Variants in SCN8A observed in about 807,000 individuals in gnomAD.
The protein encoded by SCN8A is sodium voltage-gated channel alpha subunit 8, also known as sodium channel protein type 8 subunit alpha.
SCN8A carries 30 observed loss-of-function variants against 184.1 expected under a neutral mutation model. The observed-to-expected ratio is 0.16, with a 90% CI of 0.12 to 0.22. SCN8A has a LOEUF of 0.22. SCN8A is among the 10% of genes least tolerant of loss of function. The probability of loss-of-function intolerance (pLI) is 1.00; values close to 1 mark genes in which losing one functional copy is unlikely to be tolerated. For synonymous variants in SCN8A, 852 were observed against 907.0 expected, an observed-to-expected ratio of 0.94 and a Z score of 1.09; for missense variants, 1,057 against 2,498.9, an observed-to-expected ratio of 0.42 and a Z score of 12.30.
At chr12:51,656,177 A>G (rs1227271701) in intron 1 of SCN8A, among the ~76,000 whole-genome samples, 1 of 152,192 alleles carries the variant, frequency 6.6e-6, no homozygotes, top group Non-Finnish European at 1.5e-5. Flanking sequence ...AAATAAGGAA[A>G]TGAAAATATT....
At chr12:51,738,777 T>C (rs1942368879) in intron 12 of SCN8A, among the ~76,000 whole-genome samples, 1 of 152,210 alleles carries the variant, frequency 6.6e-6, no homozygotes, top group Non-Finnish European at 1.5e-5. Context: ...TAGGCCTTCC[T>C]AGAAGTAATC....
chr12:51,637,709 C>T (rs534632855), intron 1 of SCN8A, among the ~76,000 whole-genome samples: 1 of 152,232 alleles, frequency 6.6e-6, no homozygotes, highest in Admixed American at 6.5e-5. Context: ...GAAGTCATCT[C>T]CAGAACATGA....
intron 2 of SCN8A, among the ~76,000 whole-genome samples, chr12:51,677,172 C>A (rs893017557): frequency 1.3e-5 from 2 of 151,772 alleles, no homozygotes; most frequent in Non-Finnish European, 2.9e-5. Flanking sequence ...CAGTTTCAAC[C>A]TCCTAGGCTC....
intron 1 of SCN8A, among the ~76,000 whole-genome samples, chr12:51,614,561 T>C (rs1939791262): frequency 6.6e-6 from 1 of 152,136 alleles, no homozygotes; most frequent in South Asian, 2.1e-4. Context: ...GTTAGCATCT[T>C]ATATAACAGT....
At chr12:51,694,015 C>T (rs953357307) in intron 6 of SCN8A, among the ~76,000 whole-genome samples, 5 of 152,176 alleles carry the variant, frequency 3.3e-5, no homozygotes, top group South Asian at 2.1e-4. Context: ...TCACTGCAAC[C>T]GCCACCTCCT....
chr12:51,709,102 C>T (rs899312724), intron 11 of SCN8A, among the ~76,000 whole-genome samples: 3 of 152,032 alleles, frequency 2.0e-5, no homozygotes, highest in African/African-American at 7.3e-5. Flanking sequence ...AAAGGATAGA[C>T]AGGAATTAGG....
At position 51,810,059 on chromosome 12, in the gene SCN8A, C is replaced by T. The variant is rs1208606631; in HGVS notation, c.*2630C>T. The T allele has an allele frequency of 6.3e-6, 1 of 158,014 alleles. No individual in the cohort carries two copies. Among genetic ancestry groups the T allele is most frequent in the Admixed American group, 6.5e-5 (1 of 15,372 alleles). The allele number at this position is 158,014 out of a possible 1,614,324, so 9.8% of individuals were successfully genotyped here. On this transcript the variant is annotated 3_prime_UTR_variant, in exon 27 of 27. Transcript: ENST00000627620. Reference sequence around the variant, plus strand: ...GATCCCGCCAAGTACACCATGTGCTCATGCTAGTGATGTCATTAAGCTACT... The same window carrying T: ...GATCCCGCCAAGTACACCATGTGCTTATGCTAGTGATGTCATTAAGCTACT...
At chr12:51,667,560 G>T (rs1941056324) in intron 2 of SCN8A, among the ~76,000 whole-genome samples, 1 of 151,820 alleles carries the variant, frequency 6.6e-6, no homozygotes, top group Admixed American at 6.6e-5. Context: ...TTCTTGTTTA[G>T]TGAAAAATTA....
chr12:51,729,193 A>G (rs1465838011), intron 12 of SCN8A, among the ~76,000 whole-genome samples: 2 of 152,214 alleles, frequency 1.3e-5, no homozygotes, highest in Non-Finnish European at 2.9e-5. Flanking sequence ...CTGGTAGGAC[A>G]TTGGGTAAGC....
At chr12:51,639,352 C>T (rs905330589) in intron 1 of SCN8A, among the ~76,000 whole-genome samples, 6 of 152,150 alleles carry the variant, frequency 3.9e-5, no homozygotes, top group Admixed American at 3.9e-4. Flanking sequence ...TTAGAATATT[C>T]CCTAAACTTA....
intron 1 of SCN8A, among the ~76,000 whole-genome samples, chr12:51,618,017 CTTG>C (rs1306051112): frequency 6.6e-6 from 1 of 152,122 alleles, no homozygotes; most frequent in Non-Finnish European, 1.5e-5. Flanking sequence ...GCTCCTTTCT[CTTG>C]TTGTTTCCCA....
rs571819139 is a variant in SCN8A at position 51,721,122 on chromosome 12, T to TTATATATATATAATATTTATTTATTGTTA, written c.1636-414_1636-413insTAATATTTATTTATTGTTATATATATATA. Among the ~76,000 whole-genome samples, 170 of 106,094 alleles carry TTATATATATATAATATTTATTTATTGTTA rather than the reference T, an allele frequency of 1.6e-3. 4 individuals carry two copies. The highest frequency in any genetic ancestry group is 6.5e-3 in the African/African-American group (159 of 24,452). The allele number at this position is 106,094 out of a possible 152,430, so 69.6% of individuals were successfully genotyped here. A position where few individuals can be genotyped will look rare whatever the true frequency, so the allele number is the denominator to read the frequency against. On this transcript the variant is annotated intron_variant, in intron 11 of 26. Coordinates refer to ENST00000627620, the MANE Select transcript of SCN8A (RefSeq NM_001330260.2). Reference sequence around the variant, plus strand: ...ATATATATATAATATTTATTTATTGTTATATATATAATATTTATTTATTGT... The same window carrying TTATATATATATAATATTTATTTATTGTTA: ...ATATATATATAATATTTATTTATTGTTATATATATATAATATTTATTTATTGTTATATATATATAATATTTATTTATTGT...
intron 20 of SCN8A, among the ~76,000 whole-genome samples, chr12:51,776,799 C>G (rs947532429): frequency 3.3e-5 from 5 of 152,332 alleles, no homozygotes; most frequent in Middle Eastern, 3.4e-3. Context: ...TAGCACCATC[C>G]ACTGGTGACT....
intron 10 of SCN8A, 36 bp downstream of exon 10, chr12:51,705,659 C>G: frequency 6.4e-7 from 1 of 1,567,948 alleles, no homozygotes. Context: ...ACCTTCCTGC[C>G]AGATCATGGT....
chr12:51,646,112 C>T (rs1011815004), intron 1 of SCN8A, among the ~76,000 whole-genome samples: 1 of 151,052 alleles, frequency 6.6e-6, no homozygotes, highest in Non-Finnish European at 1.5e-5. Flanking sequence ...CATTAGTCTA[C>T]AGGATGCCAC....
chr12:51,713,562 G>A (rs1941916876), intron 11 of SCN8A: 2 of 724,930 alleles, frequency 2.8e-6, no homozygotes, highest in Non-Finnish European at 2.5e-6. Flanking sequence ...AATGTCGACG[G>A]CTGGAGTCGG....
chr12:51,725,554 G>A (rs1411436984), intron 12 of SCN8A, among the ~76,000 whole-genome samples: 1 of 152,104 alleles, frequency 6.6e-6, no homozygotes, highest in Non-Finnish European at 1.5e-5. Context: ...TTCAGTAGGT[G>A]GTTTTATCCT....
chr12:51,630,194 C>A (rs1032840081), intron 1 of SCN8A, among the ~76,000 whole-genome samples: 1 of 151,928 alleles, frequency 6.6e-6, no homozygotes, highest in African/African-American at 2.4e-5. Flanking sequence ...TGTTATGTAA[C>A]CATCAGCACC....
At position 51,808,541 on chromosome 12, in the gene SCN8A, A is replaced by G. The variant is rs569827638; in HGVS notation, c.*1112A>G. On this transcript the variant is annotated 3_prime_UTR_variant, in exon 27 of 27. Coordinates refer to ENST00000627620, the MANE Select transcript of SCN8A (RefSeq NM_001330260.2). ...AAAAAAAATTCATTTGTATCTTGCA[A>G]TATTTATGACGATCGTTTAGCCTTC... is the stretch of plus-strand genomic sequence containing the variant. 3 of 152,728 alleles carry G rather than the reference A, an allele frequency of 2.0e-5. No individual in the cohort carries two copies. Among genetic ancestry groups the G allele is most frequent in the Admixed American group, 6.5e-5 (1 of 15,296 alleles). The allele number at this position is 152,728 out of a possible 1,614,324, so 9.5% of individuals were successfully genotyped here. A position where few individuals can be genotyped will look rare whatever the true frequency, so the allele number is the denominator to read the frequency against.
Sources: allele counts gnomAD v4.1 joint callset (sites outside exome capture counted in the v4.1 genomes callset), GRCh38; gene constraint gnomAD v4.1.1; transcripts MANE v1.5; gene names NCBI Gene and HGNC (gene_info 2026-07-23, HGNC 2026-07-21).